Variants in AKAP6 observed in about 807,000 individuals in gnomAD.
AKAP6 encodes A-kinase anchor protein 6.
Under a neutral mutation model 188.5 loss-of-function variants are expected in AKAP6, and 58 were observed. The ratio of observed to expected loss-of-function variants is 0.31; its 90% CI spans 0.25 to 0.38. The LOEUF is 0.38. Among genes scored for constraint, AKAP6 ranks in the 10% least tolerant of loss-of-function variants. The pLI is 1.00. For missense variants in AKAP6, 2,710 were observed against 2,740.0 expected, an observed-to-expected ratio of 0.99 and a Z score of 0.24; for synonymous variants, 989 against 998.6, an observed-to-expected ratio of 0.99 and a Z score of 0.18.
In AKAP6 at chr14:32,761,288, G is replaced by A. The variant is rs543932156; in HGVS notation, c.3373-12390G>A. On this transcript the variant is annotated intron_variant, in intron 11 of 13. Coordinates refer to ENST00000280979, the MANE Select transcript of AKAP6 (RefSeq NM_004274.5). ...GACTCTCTTCCTGCATTCTTGTTATGTCCCTAGAGTTCTTGAATCCATTTA... is the reference window on the plus strand; with the variant it reads ...GACTCTCTTCCTGCATTCTTGTTATATCCCTAGAGTTCTTGAATCCATTTA... Among the ~76,000 whole-genome samples the A allele has an allele frequency of 5.9e-5, 9 of 152,088 alleles. No individual in the cohort carries two copies. In the South Asian group the frequency reaches 1.9e-3, roughly 32 times the overall value.
chr14:32,381,735 C>G (rs954370858), intron 1 of AKAP6, among the ~76,000 whole-genome samples: 6 of 152,096 alleles, frequency 3.9e-5, no homozygotes, highest in African/African-American at 1.4e-4. Flanking sequence ...CCTCCATAAA[C>G]CTTCTATTTT....
chr14:32,585,114 C>A (rs1885174466), intron 5 of AKAP6, among the ~76,000 whole-genome samples: 1 of 152,004 alleles, frequency 6.6e-6, no homozygotes, highest in African/African-American at 2.4e-5. Context: ...CAGTTTCCCC[C>A]TCTAGAGATT....
chr14:32,352,365 G>A (rs1051848122), intron 1 of AKAP6, among the ~76,000 whole-genome samples: 1 of 151,734 alleles, frequency 6.6e-6, no homozygotes, highest in Admixed American at 6.6e-5. Context: ...TTTAAATCAG[G>A]GTATTTAAGG....
chr14:32,516,027 A>G (rs921924189), intron 2 of AKAP6, among the ~76,000 whole-genome samples: 1 of 146,956 alleles, frequency 6.8e-6, no homozygotes, highest in Admixed American at 6.7e-5. Flanking sequence ...GAGAAGACCC[A>G]TCTTCATAAC....
At chr14:32,372,342 A>AT (rs1410619902) in intron 1 of AKAP6, among the ~76,000 whole-genome samples, 9 of 151,702 alleles carry the variant, frequency 5.9e-5, no homozygotes, top group South Asian at 4.2e-4. Flanking sequence ...ACTAGTTAAG[A>AT]TTTTTTATAA....
At chr14:32,411,794 CTT>C (rs11404817) in intron 1 of AKAP6, among the ~76,000 whole-genome samples, 4 of 144,494 alleles carry the variant, frequency 2.8e-5, no homozygotes, top group African/African-American at 5.1e-5. Context: ...CTCTCTTACT[CTT>C]TTTTTTTTTT....
chr14:32,396,027 C>A (rs2138597875), intron 1 of AKAP6, among the ~76,000 whole-genome samples: 1 of 151,940 alleles, frequency 6.6e-6, no homozygotes. Flanking sequence ...AGAAATATGT[C>A]ATTAATGAGC....
At chr14:32,563,964 G>C (rs911238235) in intron 4 of AKAP6, among the ~76,000 whole-genome samples, 1 of 152,010 alleles carries the variant, frequency 6.6e-6, no homozygotes, top group Non-Finnish European at 1.5e-5. Flanking sequence ...ACATACAGTC[G>C]TTCCTCAGTA....
chr14:32,670,651 C>T (rs1240456971), intron 7 of AKAP6, among the ~76,000 whole-genome samples: 2 of 152,068 alleles, frequency 1.3e-5, no homozygotes, highest in Non-Finnish European at 2.9e-5. Context: ...TGGACTCTTC[C>T]AAATACAAAC....
At chr14:32,528,990 C>T (rs1882271270) in intron 2 of AKAP6, among the ~76,000 whole-genome samples, 1 of 152,088 alleles carries the variant, frequency 6.6e-6, no homozygotes, top group Non-Finnish European at 1.5e-5. Flanking sequence ...TTCACATAAA[C>T]TTTAGAATCA....
intron 2 of AKAP6, among the ~76,000 whole-genome samples, chr14:32,504,499 C>T (rs928006945): frequency 6.6e-6 from 1 of 152,030 alleles, no homozygotes; most frequent in Non-Finnish European, 1.5e-5. Context: ...AGGCTGGTCT[C>T]GAACTCCTGA....
At chr14:32,690,252 A>C (rs1251386026) in intron 8 of AKAP6, among the ~76,000 whole-genome samples, 1 of 151,998 alleles carries the variant, frequency 6.6e-6, no homozygotes, top group South Asian at 2.1e-4. Context: ...TAGTGAGCCC[A>C]GTTGAAACCT....
chr14:32,636,094 G>T (rs928208294), intron 7 of AKAP6, among the ~76,000 whole-genome samples: 10 of 152,048 alleles, frequency 6.6e-5, no homozygotes, highest in African/African-American at 2.4e-4. Context: ...TTTAAAATTA[G>T]TTAAAATAAA....
intron 5 of AKAP6, among the ~76,000 whole-genome samples, chr14:32,598,620 A>G (rs1452546893): frequency 6.6e-6 from 1 of 152,206 alleles, no homozygotes. Flanking sequence ...GTAGCCAAGG[A>G]TAGAAATAAA....
At chr14:32,637,618 C>A (rs1359877617) in intron 7 of AKAP6, among the ~76,000 whole-genome samples, 1 of 151,820 alleles carries the variant, frequency 6.6e-6, no homozygotes, top group African/African-American at 2.4e-5. Flanking sequence ...ACCATGAGAT[C>A]TAAGTTGAAA....
At chr14:32,572,419 A>G (rs1884533409) in intron 4 of AKAP6, among the ~76,000 whole-genome samples, 1 of 152,240 alleles carries the variant, frequency 6.6e-6, no homozygotes, top group African/African-American at 2.4e-5. Context: ...GGCAGGGGCC[A>G]TATCTTGTTT....
rs960235739 is a variant in AKAP6 at position 32,835,487 on chromosome 14, A to T, written c.*5682A>T. The T allele has an allele frequency of 5.3e-5, 8 of 152,200 alleles. No individual in the cohort carries two copies. Among genetic ancestry groups the T allele is most frequent in the African/African-American group, 1.9e-4 (8 of 41,446 alleles). The allele number at this position is 152,200 out of a possible 1,614,324, so 9.4% of individuals were successfully genotyped here. On this transcript the variant is annotated 3_prime_UTR_variant, in exon 14 of 14. Coordinates refer to ENST00000280979, the MANE Select transcript of AKAP6 (RefSeq NM_004274.5). Reference sequence around the variant, plus strand: ...AAAACCATCAGAAAAATTGACACAAACTCACTTCCATGCACCAGTAAACTG... The same window carrying T: ...AAAACCATCAGAAAAATTGACACAATCTCACTTCCATGCACCAGTAAACTG...
chr14:32,660,422 G>A (rs1458965494), intron 7 of AKAP6, among the ~76,000 whole-genome samples: 1 of 152,116 alleles, frequency 6.6e-6, no homozygotes. Flanking sequence ...ACAACCTAAT[G>A]GGTATGCTGG....
rs536497527 is a variant in AKAP6, at chr14:32,809,656, G to C, written c.3589-11746G>C. 2.6e-5 allele frequency among the ~76,000 whole-genome samples: 4 copies of C among 152,278 alleles called. No individual in the cohort carries two copies. The South Asian group carries it at 8.3e-4, about 32-fold the overall frequency. On this transcript the variant is annotated intron_variant, in intron 12 of 13. Coordinates refer to ENST00000280979, the MANE Select transcript of AKAP6 (RefSeq NM_004274.5). ...TGGAGTCACACACAGCTCATCTAGT[G>C]GCTTTACTAAATAACGAAGGAAAAT...
Sources: gnomAD v4.1 joint callset for allele counts (sites outside exome capture counted in the v4.1 genomes callset) on GRCh38, gnomAD v4.1.1 for gene constraint, MANE v1.5 for transcripts, NCBI Gene and HGNC (gene_info 2026-07-23, HGNC 2026-07-21) for gene names.